The following CHIC2 variants were observed in gnomAD, a reference collection of about 807,000 sequenced individuals.
CHIC2 encodes cysteine-rich hydrophobic domain-containing protein 2.
CHIC2 carries 14 observed loss-of-function variants against 25.9 expected under a neutral mutation model. The observed-to-expected ratio is 0.54, with a 90% CI of 0.36 to 0.85. The LOEUF (loss-of-function observed/expected upper bound fraction) is 0.85, where lower values mean the gene tolerates loss of function less well. CHIC2 is among the 40% of genes least tolerant of loss of function. The pLI is 0.01. For missense variants in CHIC2, 146 were observed against 202.0 expected (o/e 0.72, Z 1.68); for synonymous variants, 70 against 72.0 (o/e 0.97, Z 0.14).
At chr4:54,090,404 C>T in the CHIC2 span, among the ~76,000 whole-genome samples, 1 of 152,064 alleles carries the variant, frequency 6.6e-6, no homozygotes, top group Non-Finnish European at 1.5e-5. Context: ...AGGCTGGTCT[C>T]GAACTTCTAG....
the CHIC2 span, among the ~76,000 whole-genome samples, chr4:54,075,663 C>T: frequency 3.4e-3 from 518 of 152,282 alleles, 4 homozygotes; most frequent in African/African-American, 0.012. Context: ...AAGCAATTCT[C>T]GTGCCTCAGC....
intron 5 of CHIC2, among the ~76,000 whole-genome samples, chr4:54,011,298 C>G (rs1715578823): frequency 6.6e-6 from 1 of 152,052 alleles, no homozygotes; most frequent in Non-Finnish European, 1.5e-5. Context: ...ATATTCCTGT[C>G]CTACTCTAGG....
At chr4:54,034,342 T>G (rs1716318281) in intron 3 of CHIC2, among the ~76,000 whole-genome samples, 1 of 151,794 alleles carries the variant, frequency 6.6e-6, no homozygotes. Flanking sequence ...AGGCAGAAGT[T>G]GTGGTGAGCT....
At chr4:54,079,743 A>G in the CHIC2 span, among the ~76,000 whole-genome samples, 1 of 152,122 alleles carries the variant, frequency 6.6e-6, no homozygotes, top group Non-Finnish European at 1.5e-5. Flanking sequence ...TAGAATGGCA[A>G]TTATTAATAT....
At chr4:54,017,739 T>A (rs180850788) in intron 3 of CHIC2, among the ~76,000 whole-genome samples, 3 of 152,306 alleles carry the variant, frequency 2.0e-5, no homozygotes, top group Admixed American at 2.0e-4. Context: ...GTTACTAACC[T>A]GGTCTGGAAG....
the CHIC2 span, among the ~76,000 whole-genome samples, chr4:54,069,767 C>T: frequency 1.3e-5 from 2 of 152,206 alleles, 1 homozygote; most frequent in Admixed American, 1.3e-4. Flanking sequence ...TGATATCACA[C>T]AGCCCAAGCT....
chr4:54,046,179 T>A (rs891862258), intron 3 of CHIC2, among the ~76,000 whole-genome samples: 2 of 152,224 alleles, frequency 1.3e-5, no homozygotes, highest in African/African-American at 4.8e-5. Flanking sequence ...GAACATTCCA[T>A]GCTCATGGAT....
the CHIC2 span, among the ~76,000 whole-genome samples, chr4:54,071,280 A>T: frequency 1.3e-5 from 2 of 152,246 alleles, no homozygotes; most frequent in African/African-American, 4.8e-5. Context: ...GCACTTAAAA[A>T]GTTTCAGGTT....
At chr4:54,021,200 G>T (rs1715890057) in intron 3 of CHIC2, among the ~76,000 whole-genome samples, 2 of 152,064 alleles carry the variant, frequency 1.3e-5, no homozygotes, top group African/African-American at 4.8e-5. Context: ...ACTCGATAAT[G>T]GTTCTAAATA....
chr4:54,070,972 C>T, the CHIC2 span, among the ~76,000 whole-genome samples: 378 of 152,138 alleles, frequency 2.5e-3, no homozygotes, highest in Non-Finnish European at 3.4e-3. Flanking sequence ...TTTTGGTGCC[C>T]GCAGTATAAG....
chr4:54,049,239 T>C lies in CHIC2; in HGVS notation c.174+12A>G. ...TTGAGGCATACAAATAGTACATAAA[T>C]GAGACACTCACTTTTCCAGTTAATG... On this transcript the variant is annotated intron_variant, in intron 2 of 5. Transcript: ENST00000263921. 1 of 1,598,252 alleles carries C rather than the reference T, an allele frequency of 6.3e-7. No homozygotes were observed. Among genetic ancestry groups the C allele is most frequent in the Non-Finnish European group, 8.5e-7 (1 of 1,169,704 alleles).
chr4:54,090,813 T>C, the CHIC2 span, among the ~76,000 whole-genome samples: 1 of 151,976 alleles, frequency 6.6e-6, no homozygotes, highest in African/African-American at 2.4e-5. Flanking sequence ...GGAGATGAAA[T>C]GGATTTGCAC....
the CHIC2 span, among the ~76,000 whole-genome samples, chr4:54,083,356 T>A: frequency 6.6e-6 from 1 of 152,180 alleles, no homozygotes; most frequent in Non-Finnish European, 1.5e-5. Context: ...TATTTCCAAC[T>A]GCTACTCTAC....
chr4:54,033,730 T>C (rs867214142), intron 3 of CHIC2, among the ~76,000 whole-genome samples: 1 of 152,226 alleles, frequency 6.6e-6, no homozygotes, highest in Non-Finnish European at 1.5e-5. Flanking sequence ...AAAATATATA[T>C]AGGCATTTAA....
intron 3 of CHIC2, among the ~76,000 whole-genome samples, chr4:54,026,474 T>C (rs935884092): frequency 6.6e-6 from 1 of 151,924 alleles, no homozygotes; most frequent in Non-Finnish European, 1.5e-5. Context: ...GAGCCAAGAG[T>C]GTGCCACTGC....
chr4:54,064,610 CAACAGCCCG>C (rs1362935058), upstream of CHIC2: 78 of 1,167,028 alleles, frequency 6.7e-5, no homozygotes, highest in Non-Finnish European at 8.1e-5. The surrounding 1 kb of genome is among the most constrained non-coding windows in gnomAD (Gnocchi z 4.2). Flanking sequence ...GAAACCACAG[CAACAGCCCG>C]AGCCACCCGC....
intron 1 of CHIC2, among the ~76,000 whole-genome samples, chr4:54,061,840 G>A (rs1469671244): frequency 6.6e-6 from 1 of 152,096 alleles, no homozygotes; most frequent in East Asian, 1.9e-4. Flanking sequence ...TTCAAACACA[G>A]TAATTTAAGC....
intron 3 of CHIC2, among the ~76,000 whole-genome samples, chr4:54,021,172 C>A (rs186039194): frequency 6.6e-5 from 10 of 152,238 alleles, no homozygotes; most frequent in Admixed American, 5.2e-4. Context: ...TCTGCAATAC[C>A]GCTTGACCCC....
chr4:54,079,081 G>A, the CHIC2 span, among the ~76,000 whole-genome samples: 1 of 151,900 alleles, frequency 6.6e-6, no homozygotes, highest in African/African-American at 2.4e-5. Flanking sequence ...GGCAGGCATG[G>A]TGGTGGGTGC....
Sources: allele counts gnomAD v4.1 joint callset (sites outside exome capture counted in the v4.1 genomes callset), GRCh38; gene constraint gnomAD v4.1.1; non-coding constraint Gnocchi (gnomAD v3.1); transcripts MANE v1.5; gene names NCBI Gene and HGNC (gene_info 2026-07-23, HGNC 2026-07-21).